The following RUFY4 variants were observed in gnomAD, a reference collection of about 807,000 sequenced individuals.
The protein encoded by RUFY4 is RUN and FYVE domain containing 4.
In RUFY4, 73 loss-of-function variants were observed where a neutral mutation model predicts 69.0. The observed-to-expected ratio is 1.06, with a 90% confidence interval of 0.88 to 1.29. RUFY4 has a LOEUF of 1.29. Among genes scored for constraint, RUFY4 ranks in the 50% most tolerant of loss-of-function variants. The pLI, the probability that RUFY4 is intolerant of heterozygous loss-of-function variation, is 0.00. For synonymous variants in RUFY4, 287 were observed against 271.8 expected, an observed-to-expected ratio of 1.06 and a Z score of -0.55; for missense variants, 770 against 705.6, an observed-to-expected ratio of 1.09 and a Z score of -1.03.
upstream of RUFY4, chr2:218,069,210 C>T (rs1445194578): frequency 6.6e-6 from 1 of 152,600 alleles, no homozygotes; most frequent in East Asian, 1.9e-4. Context: ...CAGGTTCCCC[C>T]TCCAGGCTGC....
intron 8 of RUFY4, among the ~76,000 whole-genome samples, chr2:218,079,458 C>G (rs1689710745): frequency 6.6e-6 from 1 of 152,190 alleles, no homozygotes; most frequent in Non-Finnish European, 1.5e-5. Flanking sequence ...TGGGCTGTGG[C>G]AGGGCAGATT....
intron 3 of RUFY4, chr2:218,059,762 T>G (rs1689140747): frequency 6.0e-6 from 1 of 166,678 alleles, no homozygotes; most frequent in African/African-American, 2.4e-5. Context: ...TTGGGTCTTA[T>G]GAATAAGCAG....
chr2:218,063,962 C>T (rs574121541), intron 3 of RUFY4, among the ~76,000 whole-genome samples: 73 of 152,236 alleles, frequency 4.8e-4, no homozygotes, highest in African/African-American at 1.7e-3. Context: ...TGGGTAAAAA[C>T]AGGAGCCCGA....
chr2:218,072,110 AT>A lies in RUFY4; in HGVS notation c.154-263del, dbSNP rs1268851130. On this transcript the variant is annotated intron_variant, in intron 2 of 10. Coordinates refer to ENST00000344321, the Ensembl canonical transcript of RUFY4. ...ATGAAGTCAGTTTGTTCATAGTTGT[AT>A]CCCCAGACACACAGAGGAGGGCCTG... Among the ~76,000 whole-genome samples, 5 of 152,322 alleles carry A rather than the reference AT, an allele frequency of 3.3e-5. No individual in the cohort carries two copies. In the East Asian group the frequency reaches 9.6e-4, roughly 29 times the overall value.
exon 2 of RUFY4, chr2:218,035,379 C>G (rs1251063245): frequency 1.3e-5 from 2 of 152,364 alleles, no homozygotes; most frequent in Admixed American, 6.5e-5. Context: ...GGTGGGGAAA[C>G]TGAGGCTCAA....
intron 2 of RUFY4, among the ~76,000 whole-genome samples, chr2:218,054,933 G>GTT (rs1689027211): frequency 6.6e-6 from 1 of 152,134 alleles, no homozygotes; most frequent in Non-Finnish European, 1.5e-5. Flanking sequence ...ATTCACATAA[G>GTT]TTCAATAAAA....
rs548495321 is a variant in RUFY4 at position 218,075,672 on chromosome 2, C to T, written c.1180C>T (p.Gln394Ter). The T allele has an allele frequency of 2.7e-5, 41 of 1,491,788 alleles. No homozygotes were observed. In the African/African-American group the frequency reaches 5.2e-4, roughly 19 times the overall value. The allele number at this position is 1,491,788 out of a possible 1,614,324, so 92.4% of individuals were successfully genotyped here. A position where few individuals can be genotyped will look rare whatever the true frequency, so the allele number is the denominator to read the frequency against. ...CTCTACCGTGGAGAATCCACAAGTG[C>T]AAACAGAAGTGACCCTTGTGGCCAG... The change falls in exon 7 of 11, where the codon CAA (glutamine) becomes TAA (stop). Residue 394 changes from glutamine (Q) to a stop codon, truncating the protein, a stop_gained. Coordinates refer to ENST00000344321, the Ensembl canonical transcript of RUFY4. LOFTEE classifies it high-confidence loss of function.
At chr2:218,075,426 A>G in exon 7 of RUFY4, 7 of 1,612,486 alleles carry the variant, frequency 4.3e-6, no homozygotes, top group Non-Finnish European at 5.9e-6. Context: ...GGTGATAGGG[A>G]TGGAGGCTGA....
rs1448037314 is a variant in RUFY4 at position 218,070,970 on chromosome 2, T to A, written c.153+111T>A. 5.3e-6 allele frequency: 4 copies of A among 759,974 alleles called. No homozygotes were observed. The East Asian group carries it at 1.1e-4, about 21-fold the overall frequency. The allele number at this position is 759,974 out of a possible 1,614,324, so 47.1% of individuals were successfully genotyped here. ...CAGCCCCCTTCCTTACCATGCACTGTGTCATCTCCCTCTCCCTCCTGACAC... is the reference window on the plus strand; with the variant it reads ...CAGCCCCCTTCCTTACCATGCACTGAGTCATCTCCCTCTCCCTCCTGACAC... On this transcript the variant is annotated intron_variant, in intron 2 of 10. Transcript: ENST00000344321.
intron 9 of RUFY4, among the ~76,000 whole-genome samples, chr2:218,083,619 G>A (rs55693075): frequency 0.02 from 2,977 of 152,058 alleles, 45 homozygotes; most frequent in South Asian, 0.046. Context: ...ATGGTGACGT[G>A]TGCCTGTAGT....
intron 9 of RUFY4, among the ~76,000 whole-genome samples, chr2:218,084,699 G>A (rs1689850538): frequency 6.6e-6 from 1 of 152,066 alleles, no homozygotes; most frequent in East Asian, 1.9e-4. Flanking sequence ...AGAATTTAAG[G>A]TAGCCAACAA....
At chr2:218,060,723 G>C in intron 3 of RUFY4, 1 of 1,401,776 alleles carries the variant, frequency 7.1e-7, no homozygotes, top group Non-Finnish European at 1.0e-6. Context: ...TATGCAGGGT[G>C]AATCTGTAGC....
chr2:218,084,672 A>C (rs1341529356), intron 9 of RUFY4, among the ~76,000 whole-genome samples: 1 of 152,212 alleles, frequency 6.6e-6, no homozygotes, highest in Non-Finnish European at 1.5e-5. Context: ...TAAAAAGTGA[A>C]GTATTGACCT....
At chr2:218,055,251 C>G (rs1199615114) in intron 2 of RUFY4, among the ~76,000 whole-genome samples, 2 of 152,070 alleles carry the variant, frequency 1.3e-5, no homozygotes, top group African/African-American at 4.8e-5. Context: ...AAGAATTAGC[C>G]AGGCGTCATG....
chr2:218,076,535 T>C lies in RUFY4; in HGVS notation c.1355+2T>C. 1.3e-6 allele frequency: 2 copies of C among 1,549,786 alleles called. No homozygotes were observed. The highest frequency in any genetic ancestry group is 2.4e-5 in the South Asian group (2 of 83,930). ...GGCACTTCGGGAGCAGCTCAGCAGG[T>C]AACCTTGGCAACCCACAGCACAGGG... On this transcript the variant is annotated splice_donor_variant, in intron 8 of 10. Transcript: ENST00000344321. LOFTEE classifies it high-confidence loss of function.
At chr2:218,040,212 T>C (rs1436758296) in intron 2 of RUFY4, among the ~76,000 whole-genome samples, 1 of 152,218 alleles carries the variant, frequency 6.6e-6, no homozygotes, top group Non-Finnish European at 1.5e-5. Context: ...GGACCCCCGC[T>C]TGGTCATATG....
upstream of RUFY4, among the ~76,000 whole-genome samples, chr2:218,066,521 C>T (rs1689335706): frequency 6.6e-6 from 1 of 152,192 alleles, no homozygotes; most frequent in African/African-American, 2.4e-5. Flanking sequence ...ATTTCCAATT[C>T]ATTTTGTGAT....
intron 3 of RUFY4, among the ~76,000 whole-genome samples, chr2:218,062,355 G>A (rs1239430342): frequency 2.7e-5 from 4 of 146,926 alleles, no homozygotes; most frequent in East Asian, 2.0e-4. Flanking sequence ...GTAGTGAGCC[G>A]AGATTGCACC....
upstream of RUFY4, among the ~76,000 whole-genome samples, chr2:218,064,475 C>T (rs915061788): frequency 1.8e-4 from 27 of 152,340 alleles, no homozygotes; most frequent in African/African-American, 6.3e-4. Flanking sequence ...TCTCAATCCA[C>T]ATCCTCCCTC....
Sources: gnomAD v4.1 joint callset for allele counts (sites outside exome capture counted in the v4.1 genomes callset) on GRCh38, gnomAD v4.1.1 for gene constraint, MANE v1.5 for transcripts, NCBI Gene and HGNC (gene_info 2026-07-23, HGNC 2026-07-21) for gene names.